The following CFAP221 variants were observed in gnomAD, a reference collection of about 807,000 sequenced individuals.
The protein encoded by CFAP221 is cilia- and flagella-associated protein 221.
In CFAP221, 97 loss-of-function variants were observed where a neutral mutation model predicts 113.1. That is an observed-to-expected ratio of 0.86 (90% CI 0.73 to 1.02). CFAP221 has a LOEUF of 1.02. Among genes scored for constraint, CFAP221 ranks in the 50% least tolerant of loss-of-function variants. The pLI is 0.00. For missense variants in CFAP221, 1,025 were observed against 1,013.4 expected, an observed-to-expected ratio of 1.01 and a Z score of -0.16; for synonymous variants, 331 against 354.4, an observed-to-expected ratio of 0.93 and a Z score of 0.74.
In CFAP221 at chr2:119,604,587, G is replaced by A. The variant is rs993366890; in HGVS notation, c.792-85G>A. On this transcript the variant is annotated intron_variant, in intron 8 of 23. Coordinates refer to ENST00000413369, the MANE Select transcript of CFAP221 (RefSeq NM_001271049.2). ...TAGGTATAATAAGGGACTTCAAGTT[G>A]TGGTGTTATCAGAAGGAACATAAAA... 7 of 1,275,130 alleles carry A rather than the reference G, an allele frequency of 5.5e-6. No homozygotes were observed. The African/African-American group carries it at 1.1e-4, about 20-fold the overall frequency. The allele number at this position is 1,275,130 out of a possible 1,614,324, so 79.0% of individuals were successfully genotyped here.
chr2:119,572,116 T>C (rs1415688430), intron 6 of CFAP221, among the ~76,000 whole-genome samples: 1 of 152,238 alleles, frequency 6.6e-6, no homozygotes. Context: ...GATTTGATGG[T>C]TATAAATTTT....
At chr2:119,546,847 C>T (rs1481470154) in intron 2 of CFAP221, among the ~76,000 whole-genome samples, 2 of 152,170 alleles carry the variant, frequency 1.3e-5, no homozygotes, top group Non-Finnish European at 2.9e-5. Flanking sequence ...GTCTGGAAAG[C>T]CTGGGAAATC....
chr2:119,629,839 G>T, intron 16 of CFAP221, 36 bp from the exon 17 acceptor site: 1 of 1,506,882 alleles, frequency 6.6e-7, no homozygotes, highest in East Asian at 2.3e-5. Flanking sequence ...TTGCTCAGTG[G>T]TGATTGTTCT....
intron 11 of CFAP221, 141 bp downstream of exon 11, chr2:119,605,430 C>A: frequency 1.5e-6 from 1 of 688,552 alleles, no homozygotes; most frequent in Non-Finnish European, 2.5e-6. Flanking sequence ...GCCAGTGGTC[C>A]TTCAGTAGGA....
At chr2:119,552,941 T>C (rs376885301) in intron 3 of CFAP221, among the ~76,000 whole-genome samples, 115 of 152,310 alleles carry the variant, frequency 7.6e-4, no homozygotes, top group Non-Finnish European at 1.2e-3. Flanking sequence ...TTGTTTCTAA[T>C]AGAGTTAAGG....
intron 6 of CFAP221, among the ~76,000 whole-genome samples, chr2:119,584,249 A>G (rs940533083): frequency 2.6e-5 from 4 of 152,202 alleles, no homozygotes; most frequent in Non-Finnish European, 4.4e-5. Flanking sequence ...TATGGCTTGG[A>G]AAAGATACTT....
At chr2:119,572,039 C>T (rs1182856556) in intron 6 of CFAP221, among the ~76,000 whole-genome samples, 1 of 152,222 alleles carries the variant, frequency 6.6e-6, no homozygotes, top group Admixed American at 6.5e-5. Context: ...GATGAGACCT[C>T]AGCACATTTT....
chr2:119,656,366 G>A lies in CFAP221; in HGVS notation c.2419G>A (p.Val807Met), dbSNP rs1248721517. 1.2e-6 allele frequency: 2 copies of A among 1,613,946 alleles called. No individual in the cohort carries two copies. Among genetic ancestry groups the A allele is most frequent in the South Asian group, 2.2e-5 (2 of 91,078 alleles). ...CTTGGGTTTTTTGATACTCAGAGAA[G>A]TGAAAGATCAAGCACAACCAGCAGA... is the stretch of plus-strand genomic sequence containing the variant. ...NYKDIRKEKEVKDQAQPAEKA... is the reference protein window; with the variant it reads ...NYKDIRKEKEMKDQAQPAEKA... Residue 807 changes from valine (V) to methionine (M), a missense_variant, in exon 24 of 24, where the codon GTG (valine) becomes ATG (methionine). Physicochemically the swap from Val to Met is conservative, Grantham distance 21. Transcript: ENST00000413369.
intron 6 of CFAP221, 93 bp downstream of exon 6, chr2:119,562,207 G>T: frequency 4.2e-5 from 25 of 593,898 alleles, no homozygotes; most frequent in East Asian, 1.2e-4. Flanking sequence ...CCTAATGGAA[G>T]TTCATCCTTC....
At position 119,647,607 on chromosome 2, in the gene CFAP221, G is replaced by A. The variant is rs1348594742; in HGVS notation, c.2318+557G>A. Among the ~76,000 whole-genome samples, 5 of 152,054 alleles carry A rather than the reference G, an allele frequency of 3.3e-5. No individual in the cohort carries two copies. The East Asian group carries it at 7.7e-4, about 23-fold the overall frequency. ...ATGAGCACCACAGCATACAGCATTC[G>A]TACGTCCAGCTCACACGTGTACGTC... On this transcript the variant is annotated intron_variant, in intron 22 of 23. Coordinates refer to ENST00000413369, the MANE Select transcript of CFAP221 (RefSeq NM_001271049.2).
chr2:119,610,230 G>A (rs1448982127), intron 12 of CFAP221, among the ~76,000 whole-genome samples: 2 of 152,150 alleles, frequency 1.3e-5, no homozygotes, highest in Non-Finnish European at 2.9e-5. Flanking sequence ...TGAGCAGGCA[G>A]CCCAGACGCC....
In CFAP221 at chr2:119,615,720, G is replaced by A. The variant is rs1476637267; in HGVS notation, c.1410+11G>A. On this transcript the variant is annotated intron_variant, in intron 14 of 23. Coordinates refer to ENST00000413369, the MANE Select transcript of CFAP221 (RefSeq NM_001271049.2). ...CAAGTAGCACGCAAGGTAAGTCTCA[G>A]CACCAGCTGGAAATGTTGATTTGTT... The A allele has an allele frequency of 1.3e-6, 2 of 1,583,978 alleles. No individual in the cohort carries two copies. Among genetic ancestry groups the A allele is most frequent in the Non-Finnish European group, 1.7e-6 (2 of 1,158,196 alleles).
intron 14 of CFAP221, 93 bp downstream of exon 14, chr2:119,615,802 T>C: frequency 2.3e-6 from 2 of 886,638 alleles, no homozygotes; most frequent in East Asian, 5.5e-5. Context: ...TTTATTGAGA[T>C]ACAATTTACA....
chr2:119,557,406 G>A (rs1680886566), intron 3 of CFAP221: 1 of 152,260 alleles, frequency 6.6e-6, no homozygotes, highest in Admixed American at 6.5e-5. Flanking sequence ...ATGGCCGCAG[G>A]TATGACAACT....
intron 23 of CFAP221, 71 bp downstream of exon 23, chr2:119,652,140 G>GC: frequency 8.2e-7 from 1 of 1,220,424 alleles, no homozygotes; most frequent in South Asian, 1.4e-5. Context: ...AAGTACAAAA[G>GC]TGTCATGTTG....
chr2:119,600,852 G>A (rs1191654046), intron 7 of CFAP221, among the ~76,000 whole-genome samples: 3 of 152,190 alleles, frequency 2.0e-5, no homozygotes, highest in East Asian at 1.9e-4. Context: ...TATTCAACAC[G>A]AAGACAAAGA....
chr2:119,617,104 G>A (rs993078742), intron 14 of CFAP221, among the ~76,000 whole-genome samples: 1 of 152,212 alleles, frequency 6.6e-6, no homozygotes, highest in African/African-American at 2.4e-5. Flanking sequence ...TCAAAGTGTT[G>A]TTGTGAGGAT....
downstream of CFAP221, among the ~76,000 whole-genome samples, chr2:119,658,620 C>G (rs1343526307): frequency 7.6e-6 from 1 of 132,320 alleles, no homozygotes; most frequent in East Asian, 2.0e-4. Flanking sequence ...CCTCAACACG[C>G]ACACACACAC....
At chr2:119,590,292 TA>T (rs1294053856) in intron 7 of CFAP221, 1 of 152,248 alleles carries the variant, frequency 6.6e-6, no homozygotes, top group Non-Finnish European at 1.5e-5. Context: ...GCACATTTTT[TA>T]CAACTTTATA....
Sources: allele counts gnomAD v4.1 joint callset (sites outside exome capture counted in the v4.1 genomes callset), GRCh38; gene constraint gnomAD v4.1.1; transcripts MANE v1.5; gene names NCBI Gene and HGNC (gene_info 2026-07-23, HGNC 2026-07-21).